The following PDZRN3 variants were observed in gnomAD, a reference collection of about 807,000 sequenced individuals.
The protein encoded by PDZRN3 is PDZ domain containing ring finger 3, also known as E3 ubiquitin-protein ligase PDZRN3.
A neutral mutation model predicts 85.7 loss-of-function variants in PDZRN3; 38 were observed. The ratio of observed to expected loss-of-function variants is 0.44; its 90% CI spans 0.34 to 0.58. The LOEUF (loss-of-function observed/expected upper bound fraction) is 0.58, where lower values mean the gene tolerates loss of function less well. Among genes scored for constraint, PDZRN3 ranks in the 20% least tolerant of loss-of-function variants. The probability of loss-of-function intolerance (pLI) is 0.01; values close to 1 mark genes in which losing one functional copy is unlikely to be tolerated. For missense variants in PDZRN3, 1,629 were observed against 1,506.4 expected (o/e 1.08, Z -1.35); for synonymous variants, 759 against 638.0 (o/e 1.19, Z -2.86).
intron 3 of PDZRN3, among the ~76,000 whole-genome samples, chr3:73,532,011 T>G (rs184455265): frequency 2.2e-4 from 33 of 151,978 alleles, no homozygotes; most frequent in African/African-American, 7.7e-4. Context: ...AATTCCAAAC[T>G]TTTTTTTTGA....
At chr3:73,445,853 T>C (rs1702738288) in intron 3 of PDZRN3, among the ~76,000 whole-genome samples, 1 of 152,198 alleles carries the variant, frequency 6.6e-6, no homozygotes. Context: ...TCTGGTCTGA[T>C]GGCCAGAGCC....
chr3:73,414,746 A>T (rs1411184743), intron 3 of PDZRN3, among the ~76,000 whole-genome samples: 1 of 152,256 alleles, frequency 6.6e-6, no homozygotes, highest in South Asian at 2.1e-4. Context: ...AGTAATCATT[A>T]GTTGGCTTGT....
chr3:73,588,456 T>C (rs956755128), intron 3 of PDZRN3, among the ~76,000 whole-genome samples: 3 of 152,176 alleles, frequency 2.0e-5, no homozygotes, highest in African/African-American at 7.2e-5. Context: ...TACATCTTGG[T>C]GTATTTACAC....
At chr3:73,432,268 G>C (rs1021092857) in intron 3 of PDZRN3, among the ~76,000 whole-genome samples, 9 of 152,128 alleles carry the variant, frequency 5.9e-5, no homozygotes, top group Non-Finnish European at 1.2e-4. Context: ...ACAAGGGATG[G>C]GGGCCAGATC....
At chr3:73,453,645 G>A (rs1391957167) in intron 3 of PDZRN3, among the ~76,000 whole-genome samples, 3 of 151,644 alleles carry the variant, frequency 2.0e-5, no homozygotes, top group African/African-American at 7.3e-5. Context: ...GAATGATTTT[G>A]TAGAATTAGC....
At chr3:73,430,721 C>G (rs748317754) in intron 3 of PDZRN3, among the ~76,000 whole-genome samples, 5 of 152,272 alleles carry the variant, frequency 3.3e-5, no homozygotes, top group Non-Finnish European at 7.4e-5. Flanking sequence ...TGGTAACCAC[C>G]CTTAGCTGGA....
chr3:73,578,309 C>T (rs1702152983), intron 3 of PDZRN3, among the ~76,000 whole-genome samples: 1 of 152,042 alleles, frequency 6.6e-6, no homozygotes, highest in Non-Finnish European at 1.5e-5. Context: ...GCTGGGACTA[C>T]AGGCGCCTGC....
chr3:73,555,532 C>T (rs547564605), intron 3 of PDZRN3, among the ~76,000 whole-genome samples: 1 of 152,288 alleles, frequency 6.6e-6, no homozygotes, highest in East Asian at 1.9e-4. Context: ...CTTTGGTATA[C>T]CCTTTCCTTA....
intron 3 of PDZRN3, among the ~76,000 whole-genome samples, chr3:73,565,077 A>G (rs1479140831): frequency 2.7e-5 from 4 of 149,318 alleles, no homozygotes; most frequent in African/African-American, 1.0e-4. Flanking sequence ...TGTATATACC[A>G]CCCGTTCTCC....
chr3:73,465,661 G>T (rs756033581), intron 3 of PDZRN3, among the ~76,000 whole-genome samples: 1 of 152,172 alleles, frequency 6.6e-6, no homozygotes, highest in Non-Finnish European at 1.5e-5. Flanking sequence ...CCAGAGAAAC[G>T]ATTTTCTTTC....
At chr3:73,570,907 A>G (rs564801770) in intron 3 of PDZRN3, among the ~76,000 whole-genome samples, 2 of 152,168 alleles carry the variant, frequency 1.3e-5, no homozygotes, top group Admixed American at 6.5e-5. Flanking sequence ...ACATCCTATA[A>G]ATACATCTGC....
At chr3:73,479,599 T>TG (rs1331615703) in intron 3 of PDZRN3, among the ~76,000 whole-genome samples, 2 of 152,202 alleles carry the variant, frequency 1.3e-5, no homozygotes, top group African/African-American at 4.8e-5. Flanking sequence ...TGCTTCAAAA[T>TG]GGTCTTTGTA....
chr3:73,476,590 G>A (rs1197472911), intron 3 of PDZRN3, among the ~76,000 whole-genome samples: 3 of 152,164 alleles, frequency 2.0e-5, no homozygotes, highest in African/African-American at 7.2e-5. Flanking sequence ...AAGATGGCAG[G>A]ACTGATGGCT....
chr3:73,484,265 C>A (rs1007027057), intron 3 of PDZRN3, among the ~76,000 whole-genome samples: 4 of 152,120 alleles, frequency 2.6e-5, no homozygotes, highest in African/African-American at 9.7e-5. Flanking sequence ...GATTCATATA[C>A]CTTAGGTTTG....
intron 3 of PDZRN3, among the ~76,000 whole-genome samples, chr3:73,479,400 A>T (rs115108451): frequency 0.021 from 3,160 of 151,952 alleles, 49 homozygotes; most frequent in Non-Finnish European, 0.033. Context: ...AAAAAAAAAA[A>T]AAGTGACTTC....
chr3:73,562,798 G>C (rs1701849212), intron 3 of PDZRN3, among the ~76,000 whole-genome samples: 1 of 151,426 alleles, frequency 6.6e-6, no homozygotes, highest in Non-Finnish European at 1.5e-5. Context: ...AAGGGCAAGA[G>C]AATTCTTTAC....
intron 3 of PDZRN3, among the ~76,000 whole-genome samples, chr3:73,563,026 T>A (rs1189614344): frequency 1.8e-5 from 2 of 110,012 alleles, no homozygotes; most frequent in African/African-American, 6.9e-5. Flanking sequence ...TTTTTTTTTT[T>A]TTTTTTTTTT....
intron 5 of PDZRN3, among the ~76,000 whole-genome samples, chr3:73,394,411 C>T (rs1432930925): frequency 2.0e-5 from 3 of 152,176 alleles, no homozygotes; most frequent in East Asian, 3.9e-4. Context: ...CAGAACAAAC[C>T]GTCATGGGGA....
intron 1 of PDZRN3, among the ~76,000 whole-genome samples, chr3:73,617,121 G>T (rs1254129835): frequency 6.6e-6 from 1 of 152,150 alleles, no homozygotes; most frequent in African/African-American, 2.4e-5. Context: ...GTGATCTCCT[G>T]CCCAGGACTC....
Sources: allele counts gnomAD v4.1 joint callset (sites outside exome capture counted in the v4.1 genomes callset), GRCh38; gene constraint gnomAD v4.1.1; transcripts MANE v1.5; gene names NCBI Gene and HGNC (gene_info 2026-07-23, HGNC 2026-07-21).